Variants in BNC1 observed in about 807,000 individuals in gnomAD.
BNC1 encodes basonuclin zinc finger protein 1, also known as zinc finger protein basonuclin-1.
A neutral mutation model predicts 66.5 loss-of-function variants in BNC1; 8 were observed. The ratio of observed to expected loss-of-function variants is 0.12; its 90% CI spans 0.07 to 0.22. BNC1 has a LOEUF of 0.22. Among genes scored for constraint, BNC1 ranks in the 10% least tolerant of loss-of-function variants. The probability of loss-of-function intolerance (pLI) is 1.00; values close to 1 mark genes in which losing one functional copy is unlikely to be tolerated. For synonymous variants in BNC1, 454 were observed against 452.6 expected (o/e 1.00, Z -0.04); for missense variants, 1,069 against 1,241.3 (o/e 0.86, Z 2.09).
intron 1 of BNC1, 58 bp downstream of exon 1, chr15:83,284,472 C>G (rs1361216699): frequency 3.7e-6 from 4 of 1,094,914 alleles, no homozygotes; most frequent in Non-Finnish European, 4.5e-6. Flanking sequence ...AGCGGCGTCC[C>G]GGGCCGCCTG....
At chr15:83,275,424 A>C (rs978107503) in intron 1 of BNC1, among the ~76,000 whole-genome samples, 17 of 150,342 alleles carry the variant, frequency 1.1e-4, no homozygotes, top group African/African-American at 3.9e-4. Context: ...TGAACCCGGG[A>C]AGTGGAAGTT....
intron 1 of BNC1, chr15:83,283,265 C>A: frequency 6.5e-7 from 1 of 1,533,894 alleles, no homozygotes. Context: ...ATCTCCTTCA[C>A]TCGCCTCGCC....
chr15:83,264,185 G>C lies in BNC1; in HGVS notation c.1066C>G (p.Arg356Gly), dbSNP rs2038186396. Residue 356 changes from arginine (R) to glycine (G), a missense_variant, in exon 4 of 5, where the codon CGG (arginine) becomes GGG (glycine). By Grantham distance (125) the Arg-to-Gly change is moderately radical. Coordinates refer to ENST00000345382, the MANE Select transcript of BNC1 (RefSeq NM_001717.4). The part of the protein sequence containing the change: ...ERNSLGTKKG[R>G]VFCTACEKTF... ...TTCTCACATGCAGTGCAGAACACCC[G>C]GCCCTTCTTTGTACCAAGGCTATTC... 6 of 1,614,170 alleles carry C rather than the reference G, an allele frequency of 3.7e-6. No homozygotes were observed. Among genetic ancestry groups the C allele is most frequent in the Non-Finnish European group, 5.1e-6 (6 of 1,180,044 alleles).
intron 3 of BNC1, among the ~76,000 whole-genome samples, chr15:83,265,692 AG>A (rs1373793578): frequency 1.3e-5 from 2 of 152,192 alleles, no homozygotes; most frequent in Non-Finnish European, 2.9e-5. Flanking sequence ...ACATTTTTAC[AG>A]GGGAAGATTA....
At chr15:83,280,933 A>G (rs2038371196) in intron 1 of BNC1, among the ~76,000 whole-genome samples, 1 of 152,164 alleles carries the variant, frequency 6.6e-6, no homozygotes, top group African/African-American at 2.4e-5. Context: ...TTTGTTTCAC[A>G]TTAGTTGAAT....
At chr15:83,282,878 T>A (rs1023652158) in intron 1 of BNC1, among the ~76,000 whole-genome samples, 6 of 150,538 alleles carry the variant, frequency 4.0e-5, no homozygotes, top group East Asian at 3.9e-4. Context: ...ACACACACAC[T>A]CTCTCTCTCC....
chr15:83,260,366 T>C (rs942956564), intron 4 of BNC1, among the ~76,000 whole-genome samples: 2 of 152,194 alleles, frequency 1.3e-5, no homozygotes, highest in Non-Finnish European at 2.9e-5. Context: ...AGTTTTACAA[T>C]TTTTAAATTT....
chr15:83,277,560 C>G (rs1030952364), intron 1 of BNC1, among the ~76,000 whole-genome samples: 2 of 152,202 alleles, frequency 1.3e-5, no homozygotes, highest in Admixed American at 1.3e-4. Flanking sequence ...CTGCCCACTT[C>G]GGCCTCCCAA....
rs757791400 is a variant in BNC1, at chr15:83,263,036, G to A, written c.2215C>T (p.His739Tyr). Residue 739 changes from histidine (H) to tyrosine (Y), a missense_variant, in exon 4 of 5, where the codon CAC becomes TAC. Transcript: ENST00000345382. ...FKNACSVKIH[H>Y]KNMHVKEMHT... ...ATTTCTTTGACATGCATATTCTTGT[G>A]ATGAATTTTCACACTACAAGCATTT... 7 of 1,614,034 alleles carry A rather than the reference G, an allele frequency of 4.3e-6. No individual in the cohort carries two copies. In the African/African-American group the frequency reaches 9.3e-5, roughly 22 times the overall value.
At position 83,263,211 on chromosome 15, in the gene BNC1, A is replaced by G; in HGVS notation, c.2040T>C (p.Ala680=). ...DYMELQQRLL[A]GGLFSALSNR... ...TGGACAAAGCACTGAAGAGTCCCCC[A>G]GCCAGCAGGCGCTGCTGCAGTTCCA... The change falls in exon 4 of 5, where the codon GCT becomes GCC. Residue 680 remains alanine (A), a synonymous_variant. Coordinates refer to ENST00000345382, the MANE Select transcript of BNC1 (RefSeq NM_001717.4). 6.2e-7 allele frequency: 1 copy of G among 1,614,266 alleles called. No homozygotes were observed. The highest frequency in any genetic ancestry group is 8.5e-7 in the Non-Finnish European group (1 of 1,180,058).
intron 4 of BNC1, among the ~76,000 whole-genome samples, chr15:83,258,945 T>C (rs1017470168): frequency 2.0e-5 from 3 of 152,238 alleles, no homozygotes; most frequent in Admixed American, 2.0e-4. Flanking sequence ...TCAAGAGCAT[T>C]GACATACACT....
intron 4 of BNC1, among the ~76,000 whole-genome samples, chr15:83,258,977 T>C (rs1410025872): frequency 6.6e-6 from 1 of 152,174 alleles, no homozygotes; most frequent in Non-Finnish European, 1.5e-5. Context: ...ATTCTAAAAG[T>C]GTGGTTGAGA....
chr15:83,264,656 T>G lies in BNC1; in HGVS notation c.595A>C (p.Thr199Pro), dbSNP rs1257380349. 8 of 1,614,028 alleles carry G rather than the reference T, an allele frequency of 5.0e-6. No individual in the cohort carries two copies. Among genetic ancestry groups the G allele is most frequent in the Admixed American group, 1.7e-5 (1 of 60,000 alleles). ...AAAGCCCTGATATCTACATTTGCTG[T>G]GGAAGGTGGTATGATGATGGATTGC... ...EEQSIIIPPS[T>P]ANVDIRAFIE... The change falls in exon 4 of 5, where the codon ACA becomes CCA. Residue 199 changes from threonine (T) to proline (P), a missense_variant. Transcript: ENST00000345382.
intron 1 of BNC1, among the ~76,000 whole-genome samples, chr15:83,280,437 C>T (rs758152300): frequency 5.3e-5 from 8 of 152,202 alleles, no homozygotes; most frequent in Non-Finnish European, 1.2e-4. Flanking sequence ...AGCAATGCAA[C>T]TTCACTACTG....
Position 83,262,045 on chromosome 15 carries a change from G to GTT in BNC1, c.2300+904_2300+905dup, listed in dbSNP as rs5814139. ...CCTGCTAATGTGACAACTAGTTCAT[G>GTT]TTTTTTTTTTTTTTTTTTTTTGAGA... On this transcript the variant is annotated intron_variant, in intron 4 of 4. Transcript: ENST00000345382. Among the ~76,000 whole-genome samples the GTT allele has an allele frequency of 2.0e-3, 218 of 110,510 alleles. 2 individuals are homozygous for GTT. Among genetic ancestry groups the GTT allele is most frequent in the Non-Finnish European group, 2.6e-3 (148 of 56,360 alleles). The allele number at this position is 110,510 out of a possible 152,430, so 72.5% of individuals were successfully genotyped here. A position where few individuals can be genotyped will look rare whatever the true frequency, so the allele number is the denominator to read the frequency against.
chr15:83,259,328 A>G (rs2038117488), intron 4 of BNC1, among the ~76,000 whole-genome samples: 1 of 152,244 alleles, frequency 6.6e-6, no homozygotes, highest in Non-Finnish European at 1.5e-5. Context: ...AATACATATC[A>G]GAATGTATGG....
At chr15:83,274,664 T>C (rs1310416839) in intron 1 of BNC1, among the ~76,000 whole-genome samples, 3 of 152,218 alleles carry the variant, frequency 2.0e-5, no homozygotes, top group Non-Finnish European at 4.4e-5. Flanking sequence ...GAAACTTAAA[T>C]TTATGGAAGA....
At chr15:83,276,018 T>C (rs1452487115) in intron 1 of BNC1, among the ~76,000 whole-genome samples, 1 of 152,146 alleles carries the variant, frequency 6.6e-6, no homozygotes, top group Non-Finnish European at 1.5e-5. Context: ...AAACCTAGGA[T>C]TGGCCTCAAC....
chr15:83,263,460 G>T lies in BNC1; in HGVS notation c.1791C>A (p.Gly597=). ...VSEEQHVQSG[G]LGKPFPEGER... ...CCCCTTCAGGGAAAGGCTTCCCTAA[G>T]CCTCCTGACTGTACATGCTGCTCCT... The change falls in exon 4 of 5, where the codon GGC becomes GGA. Residue 597 remains glycine, a synonymous_variant. Transcript: ENST00000345382. 6.2e-7 allele frequency: 1 copy of T among 1,614,218 alleles called. No individual in the cohort carries two copies. Among genetic ancestry groups the T allele is most frequent in the Non-Finnish European group, 8.5e-7 (1 of 1,180,040 alleles).
Sources: allele counts gnomAD v4.1 joint callset (sites outside exome capture counted in the v4.1 genomes callset), GRCh38; gene constraint gnomAD v4.1.1; transcripts MANE v1.5; gene names NCBI Gene and HGNC (gene_info 2026-07-23, HGNC 2026-07-21).